Variants in MYOCD observed in about 807,000 individuals in gnomAD.
The protein encoded by MYOCD is myocardin.
A neutral mutation model predicts 96.1 loss-of-function variants in MYOCD; 32 were observed. The observed-to-expected ratio is 0.33, with a 90% CI of 0.25 to 0.45. MYOCD has a LOEUF of 0.45. Ranked by LOEUF, MYOCD falls within the 20% of genes least tolerant of loss-of-function variation. The pLI, the probability that MYOCD is intolerant of heterozygous loss-of-function variation, is 1.00. For synonymous variants in MYOCD, 469 were observed against 469.0 expected (o/e 1.00, Z 0.00); for missense variants, 1,133 against 1,200.6 (o/e 0.94, Z 0.83).
chr17:12,762,798 C>A, intron 13 of MYOCD: 2 of 392,160 alleles, frequency 5.1e-6, no homozygotes, highest in Non-Finnish European at 9.1e-6. Context: ...ACTCAGTGTC[C>A]TCAAGGGACT....
chr17:12,760,355 G>T, intron 12 of MYOCD: 2 of 376,198 alleles, frequency 5.3e-6, no homozygotes, highest in South Asian at 2.9e-5. Flanking sequence ...AAAGGATGGG[G>T]TGTGGGAAAT....
At chr17:12,697,482 C>G (rs1338467729) in intron 1 of MYOCD, among the ~76,000 whole-genome samples, 1 of 150,364 alleles carries the variant, frequency 6.7e-6, no homozygotes, top group Non-Finnish European at 1.5e-5. Context: ...CCTGCCTCAG[C>G]CTCCTGAGTA....
chr17:12,694,219 A>C (rs758148394), intron 1 of MYOCD, among the ~76,000 whole-genome samples: 1 of 152,174 alleles, frequency 6.6e-6, no homozygotes, highest in African/African-American at 2.4e-5. Flanking sequence ...AGCTGAAAGC[A>C]GGGAAGGGAA....
chr17:12,724,665 G>A (rs2031943899), intron 5 of MYOCD, among the ~76,000 whole-genome samples: 1 of 151,798 alleles, frequency 6.6e-6, no homozygotes, highest in Non-Finnish European at 1.5e-5. Flanking sequence ...AGATTGCCTT[G>A]TAATATCTAT....
At position 12,734,411 on chromosome 17, in the gene MYOCD, T is replaced by C. The variant is rs144703551; in HGVS notation, c.416-1750T>C. Among the ~76,000 whole-genome samples, 239 of 151,506 alleles carry C rather than the reference T, an allele frequency of 1.6e-3. 2 individuals carry two copies. The highest frequency in any genetic ancestry group is 5.5e-3 in the African/African-American group (226 of 41,246). On this transcript the variant is annotated intron_variant, in intron 5 of 13. Coordinates refer to ENST00000425538, the MANE Select transcript of MYOCD (RefSeq NM_001146312.3). ...CCATGTGGATCCCAAGAAAATGCAG[T>C]GACTTCTAGAGTGGGGAACACTTAA...
At chr17:12,696,048 TTTGTTG>T (rs368329219) in intron 1 of MYOCD, among the ~76,000 whole-genome samples, 19 of 151,828 alleles carry the variant, frequency 1.3e-4, no homozygotes, top group African/African-American at 3.9e-4. Context: ...ATAATATTCC[TTTGTTG>T]TTGTTGTTGT....
chr17:12,683,479 C>T (rs975838964), intron 1 of MYOCD, among the ~76,000 whole-genome samples: 1 of 151,988 alleles, frequency 6.6e-6, no homozygotes, highest in Admixed American at 6.6e-5. Flanking sequence ...TCTCTCTCTC[C>T]CGCTCCTTCT....
At chr17:12,699,513 C>T (rs1179787481) in intron 1 of MYOCD, among the ~76,000 whole-genome samples, 1 of 152,182 alleles carries the variant, frequency 6.6e-6, no homozygotes, top group Non-Finnish European at 1.5e-5. Context: ...AATCAGTGTT[C>T]CAGCCCTAAC....
intron 9 of MYOCD, among the ~76,000 whole-genome samples, chr17:12,746,461 T>G (rs1447863406): frequency 2.0e-5 from 3 of 152,170 alleles, no homozygotes; most frequent in Non-Finnish European, 4.4e-5. Context: ...AAACTTTATG[T>G]TTATTTTACC....
At chr17:12,740,065 A>G (rs2032462112) in intron 7 of MYOCD, among the ~76,000 whole-genome samples, 1 of 152,038 alleles carries the variant, frequency 6.6e-6, no homozygotes, top group Admixed American at 6.6e-5. Flanking sequence ...CCTCCCGAGT[A>G]TCTGGGACTA....
At chr17:12,691,154 A>C (rs1354642293) in intron 1 of MYOCD, among the ~76,000 whole-genome samples, 1 of 152,140 alleles carries the variant, frequency 6.6e-6, no homozygotes, top group East Asian at 1.9e-4. Context: ...AAAACTCTTT[A>C]AATAGAAAAG....
chr17:12,732,403 A>C (rs944021486), intron 5 of MYOCD, among the ~76,000 whole-genome samples: 1 of 152,068 alleles, frequency 6.6e-6, no homozygotes, highest in Non-Finnish European at 1.5e-5. Flanking sequence ...CACCGCTGAC[A>C]GTCACTTCAG....
chr17:12,729,994 A>T (rs1424201840), intron 5 of MYOCD, among the ~76,000 whole-genome samples: 1 of 152,096 alleles, frequency 6.6e-6, no homozygotes, highest in Non-Finnish European at 1.5e-5. Flanking sequence ...AAAAAAATTT[A>T]AAATTAGCCA....
At chr17:12,707,433 C>T (rs552735058) in intron 2 of MYOCD, among the ~76,000 whole-genome samples, 3 of 151,576 alleles carry the variant, frequency 2.0e-5, no homozygotes, top group African/African-American at 4.8e-5. Context: ...AGGCTGGGCA[C>T]GGTGACTCAA....
chr17:12,703,306 A>G (rs2031157256), intron 1 of MYOCD, among the ~76,000 whole-genome samples: 1 of 151,710 alleles, frequency 6.6e-6, no homozygotes, highest in Admixed American at 6.6e-5. Context: ...CAGCCATTGG[A>G]TTATTATGTA....
At chr17:12,747,002 A>G (rs916370137) in intron 9 of MYOCD, among the ~76,000 whole-genome samples, 29 of 150,716 alleles carry the variant, frequency 1.9e-4, no homozygotes, top group African/African-American at 6.8e-4. Context: ...TGCTGGGATT[A>G]CAGGCATGAG....
chr17:12,683,657 T>G (rs892665737), intron 1 of MYOCD, among the ~76,000 whole-genome samples: 1 of 152,202 alleles, frequency 6.6e-6, no homozygotes, highest in Non-Finnish European at 1.5e-5. Flanking sequence ...CTCCTTTTAT[T>G]TATTTGTTTG....
chr17:12,730,693 C>T (rs541806139), intron 5 of MYOCD, among the ~76,000 whole-genome samples: 55 of 152,208 alleles, frequency 3.6e-4, no homozygotes, highest in African/African-American at 1.2e-3. Flanking sequence ...TTTCTGTGTA[C>T]GACTTTCTCC....
At chr17:12,762,786 G>A (rs2033217116) in intron 13 of MYOCD, 2 of 328,562 alleles carry the variant, frequency 6.1e-6, no homozygotes, top group Non-Finnish European at 5.5e-6. Context: ...GTGTTGGGAT[G>A]GACTCAGTGT....
Sources: gnomAD v4.1 joint callset for allele counts (sites outside exome capture counted in the v4.1 genomes callset) on GRCh38, gnomAD v4.1.1 for gene constraint, MANE v1.5 for transcripts, NCBI Gene and HGNC (gene_info 2026-07-23, HGNC 2026-07-21) for gene names.